NRG3: variants seen among roughly 807,000 people sequenced by gnomAD.
NRG3 encodes the protein pro-neuregulin-3, membrane-bound isoform.
Under a neutral mutation model 66.9 loss-of-function variants are expected in NRG3, and 31 were observed. The ratio of observed to expected loss-of-function variants is 0.46; its 90% CI spans 0.35 to 0.63. The LOEUF (loss-of-function observed/expected upper bound fraction) is 0.63. NRG3 is among the 20% of genes least tolerant of loss of function. NRG3 has a pLI of 0.00. For synonymous variants in NRG3, 393 were observed against 359.4 expected (o/e 1.09, Z -1.06); for missense variants, 910 against 878.9 (o/e 1.04, Z -0.45).
chr10:81,890,311 C>T (rs1027295480), intron 1 of NRG3, among the ~76,000 whole-genome samples: 1 of 151,942 alleles, frequency 6.6e-6, no homozygotes, highest in African/African-American at 2.4e-5. Context: ...AGAAACTTGC[C>T]GAATCCATTT....
intron 5 of NRG3, among the ~76,000 whole-genome samples, chr10:82,951,786 C>T (rs746314159): frequency 1.4e-4 from 21 of 152,132 alleles, no homozygotes; most frequent in South Asian, 4.1e-4. Context: ...CATGTGTGCG[C>T]GGTTTATCTA....
chr10:82,459,083 G>C (rs1039961785), intron 2 of NRG3, among the ~76,000 whole-genome samples: 3 of 152,148 alleles, frequency 2.0e-5, no homozygotes, highest in Admixed American at 2.0e-4. Flanking sequence ...AGGCCTTCTT[G>C]TCCATACTCC....
intron 1 of NRG3, among the ~76,000 whole-genome samples, chr10:82,157,655 G>A (rs2071286823): frequency 6.6e-6 from 1 of 151,650 alleles, no homozygotes; most frequent in African/African-American, 2.4e-5. Flanking sequence ...TAGCTGGGAA[G>A]CATGGGGAGA....
chr10:82,365,201 C>A (rs2084444275), intron 2 of NRG3, among the ~76,000 whole-genome samples: 1 of 152,140 alleles, frequency 6.6e-6, no homozygotes, highest in South Asian at 2.1e-4. Flanking sequence ...TAATGATTCC[C>A]TGTGGTTGAA....
At chr10:82,889,160 A>G (rs1435504870) in intron 4 of NRG3, among the ~76,000 whole-genome samples, 2 of 152,134 alleles carry the variant, frequency 1.3e-5, no homozygotes, top group Admixed American at 6.5e-5. Context: ...GAGGGAGGGT[A>G]AAACAATCAG....
At chr10:82,170,370 G>C (rs963390925) in intron 1 of NRG3, among the ~76,000 whole-genome samples, 1 of 151,892 alleles carries the variant, frequency 6.6e-6, no homozygotes, top group Non-Finnish European at 1.5e-5. Context: ...TGACTTCTGA[G>C]TCAATAAACA....
At chr10:82,154,877 T>C (rs910172638) in intron 1 of NRG3, among the ~76,000 whole-genome samples, 4 of 151,878 alleles carry the variant, frequency 2.6e-5, no homozygotes, top group Non-Finnish European at 4.4e-5. Flanking sequence ...ATAGGAAATG[T>C]ACTGATTTTT....
chr10:82,837,700 T>C (rs2062847761), intron 3 of NRG3, among the ~76,000 whole-genome samples: 3 of 152,144 alleles, frequency 2.0e-5, no homozygotes, highest in Admixed American at 1.3e-4. Flanking sequence ...GTGTGTCTTG[T>C]GTTTACAACA....
At chr10:82,815,365 A>C (rs1166644503) in intron 3 of NRG3, among the ~76,000 whole-genome samples, 2 of 152,208 alleles carry the variant, frequency 1.3e-5, no homozygotes, top group Non-Finnish European at 2.9e-5. Flanking sequence ...TTTGTCAAAG[A>C]AATAGCAAAG....
intron 1 of NRG3, among the ~76,000 whole-genome samples, chr10:82,048,560 A>G (rs1171078623): frequency 6.6e-6 from 1 of 150,388 alleles, no homozygotes; most frequent in African/African-American, 2.4e-5. Flanking sequence ...ACGAGAACGA[A>G]GACACAACAT....
chr10:81,983,281 G>A (rs1026376865), intron 1 of NRG3, among the ~76,000 whole-genome samples: 1 of 152,146 alleles, frequency 6.6e-6, no homozygotes, highest in African/African-American at 2.4e-5. Flanking sequence ...AATAAAAATT[G>A]TTCTAGGATA....
intron 1 of NRG3, among the ~76,000 whole-genome samples, chr10:82,192,741 A>C (rs1324881711): frequency 6.6e-6 from 1 of 152,212 alleles, no homozygotes; most frequent in Non-Finnish European, 1.5e-5. Flanking sequence ...CAAGAGAGGC[A>C]TGAAGCTTAA....
chr10:82,913,602 C>T (rs1334465693), intron 4 of NRG3, among the ~76,000 whole-genome samples: 1 of 152,082 alleles, frequency 6.6e-6, no homozygotes, highest in Non-Finnish European at 1.5e-5. Context: ...TTTGTTTTTC[C>T]ATTAACATTT....
At chr10:82,566,684 C>A (rs1445663537) in intron 2 of NRG3, among the ~76,000 whole-genome samples, 1 of 151,906 alleles carries the variant, frequency 6.6e-6, no homozygotes, top group East Asian at 1.9e-4. Flanking sequence ...GGAATAGTCA[C>A]ATGAGGGTTA....
At chr10:82,892,772 C>A (rs1843280360) in intron 4 of NRG3, among the ~76,000 whole-genome samples, 2 of 151,788 alleles carry the variant, frequency 1.3e-5, no homozygotes, top group South Asian at 2.1e-4. Flanking sequence ...ACATACCAGG[C>A]AAACAATAAC....
rs1448731199 is a variant in NRG3, at chr10:82,357,630, T to C, written c.824-1109T>C. 1.3e-5 allele frequency among the ~76,000 whole-genome samples: 2 copies of C among 152,120 alleles called. 1 individual carries two copies. Among genetic ancestry groups the C allele is most frequent in the East Asian group, 3.9e-4 (2 of 5,176 alleles). The stretch of plus-strand genomic sequence containing the variant: ...TAAGAGCATGTCAACTCAGTCCTTC[T>C]TTCTCTTCTTGAACAGCCAACAGTT... On this transcript the variant is annotated intron_variant, in intron 1 of 8. Transcript: ENST00000372141.
intron 2 of NRG3, among the ~76,000 whole-genome samples, chr10:82,520,344 G>A (rs1424946589): frequency 6.6e-6 from 1 of 151,594 alleles, no homozygotes; most frequent in Non-Finnish European, 1.5e-5. Flanking sequence ...GTCTCCTGGG[G>A]CTTCACTTTT....
chr10:82,469,296 T>A (rs548570447), intron 2 of NRG3, among the ~76,000 whole-genome samples: 1 of 152,262 alleles, frequency 6.6e-6, no homozygotes, highest in South Asian at 2.1e-4. Flanking sequence ...TACAAAGCGT[T>A]GAGACAAGTA....
chr10:82,572,727 A>G (rs1449796573), intron 2 of NRG3, among the ~76,000 whole-genome samples: 1 of 151,720 alleles, frequency 6.6e-6, no homozygotes, highest in Non-Finnish European at 1.5e-5. Context: ...ATACCTGATC[A>G]GAGGAGTTGC....
Sources: allele counts gnomAD v4.1 joint callset (sites outside exome capture counted in the v4.1 genomes callset), GRCh38; gene constraint gnomAD v4.1.1; transcripts MANE v1.5; gene names NCBI Gene and HGNC (gene_info 2026-07-23, HGNC 2026-07-21).